The following SGIP1 variants were observed in gnomAD, a reference collection of about 807,000 sequenced individuals.
The protein encoded by SGIP1 is SH3GL interacting endocytic adaptor 1, also known as SH3-containing GRB2-like protein 3-interacting protein 1.
A neutral mutation model predicts 107.5 loss-of-function variants in SGIP1; 38 were observed. That is an observed-to-expected ratio of 0.35 (90% confidence interval 0.27 to 0.46). The LOEUF is 0.46. Ranked by LOEUF, SGIP1 falls within the 20% of genes least tolerant of loss-of-function variation. The probability of loss-of-function intolerance (pLI) is 1.00; values close to 1 mark genes in which losing one functional copy is unlikely to be tolerated. For missense variants in SGIP1, 929 were observed against 1,019.5 expected (o/e 0.91, Z 1.21); for synonymous variants, 365 against 366.1 (o/e 1.00, Z 0.03).
At chr1:66,742,771 T>C (rs2094499743) in intron 24 of SGIP1, among the ~76,000 whole-genome samples, 3 of 152,124 alleles carry the variant, frequency 2.0e-5, no homozygotes, top group South Asian at 2.1e-4. Context: ...GCCCGGCCTA[T>C]GAGCACCCTT....
chr1:66,640,553 G>A (rs569236879), intron 5 of SGIP1, among the ~76,000 whole-genome samples: 1 of 152,272 alleles, frequency 6.6e-6, no homozygotes, highest in East Asian at 1.9e-4. Context: ...TCCCTGAAAT[G>A]AGACAGTGCT....
At chr1:66,584,123 G>A (rs2062203527) in intron 1 of SGIP1, among the ~76,000 whole-genome samples, 1 of 151,800 alleles carries the variant, frequency 6.6e-6, no homozygotes, top group Non-Finnish European at 1.5e-5. Flanking sequence ...GAAATTGTTG[G>A]TTTGGTGTCT....
At chr1:66,740,566 TA>T in intron 22 of SGIP1, 91 bp from the exon 23 acceptor site, 2 of 777,768 alleles carry the variant, frequency 2.6e-6, no homozygotes, top group South Asian at 3.3e-5. Flanking sequence ...AGCTCTATTT[TA>T]AAAAATTAAT....
At chr1:66,605,190 T>C (rs191355250) in intron 1 of SGIP1, among the ~76,000 whole-genome samples, 83 of 152,298 alleles carry the variant, frequency 5.4e-4, no homozygotes, top group African/African-American at 1.9e-3. Context: ...CTTCTTCTTA[T>C]TTAGTGTTAT....
intron 1 of SGIP1, among the ~76,000 whole-genome samples, chr1:66,573,593 A>G (rs1305605355): frequency 6.6e-6 from 1 of 152,158 alleles, no homozygotes; most frequent in Non-Finnish European, 1.5e-5. Context: ...AAAGAAAGAG[A>G]TCATGTCCTT....
chr1:66,631,248 T>C (rs1291641086), intron 2 of SGIP1, among the ~76,000 whole-genome samples: 1 of 152,152 alleles, frequency 6.6e-6, no homozygotes, highest in East Asian at 1.9e-4. Context: ...CATTTCATTC[T>C]CTCTGAGATT....
In SGIP1 at chr1:66,643,656, T is replaced by G. The variant is rs557044121; in HGVS notation, c.396T>G (p.Asn132Lys). 1 of 1,612,252 alleles carries G rather than the reference T, an allele frequency of 6.2e-7. No homozygotes were observed. Among genetic ancestry groups the G allele is most frequent in the South Asian group, 1.1e-5 (1 of 90,516 alleles). The change falls in exon 7 of 25, where the codon AAT becomes AAG. Residue 132 changes from asparagine (N) to lysine (K), a missense_variant. Asn to Lys is a moderately conservative substitution (Grantham distance 94, BLOSUM62 0). Transcript: ENST00000371037. Reference sequence around the variant, plus strand: ...TGCAATCTAAAGACATTCTTAAGAATGCTGCAACTGTAGATGAATTGAAGG... The same window carrying G: ...TGCAATCTAAAGACATTCTTAAGAAGGCTGCAACTGTAGATGAATTGAAGG... Reference protein sequence around the residue: ...KPLQSKDILKNAATVDELKAS... With the variant: ...KPLQSKDILKKAATVDELKAS...
At chr1:66,560,368 T>A (rs1213237026) in intron 1 of SGIP1, among the ~76,000 whole-genome samples, 1 of 152,090 alleles carries the variant, frequency 6.6e-6, no homozygotes, top group Non-Finnish European at 1.5e-5. Flanking sequence ...TCCTTGTAGT[T>A]CATCCCTAAA....
intron 1 of SGIP1, among the ~76,000 whole-genome samples, chr1:66,594,401 C>A (rs138486423): frequency 6.6e-6 from 1 of 152,258 alleles, no homozygotes; most frequent in East Asian, 1.9e-4. Context: ...GTAGTTTTAT[C>A]ATCTGTGATG....
At chr1:66,583,622 C>T (rs1480598657) in intron 1 of SGIP1, among the ~76,000 whole-genome samples, 1 of 152,108 alleles carries the variant, frequency 6.6e-6, no homozygotes, top group Non-Finnish European at 1.5e-5. Context: ...CTTTTGCAGC[C>T]TCAGCTGTGC....
In SGIP1 at chr1:66,744,747, G is replaced by T. The variant is rs2094530737; in HGVS notation, c.*1652G>T. On this transcript the variant is annotated 3_prime_UTR_variant, in exon 25 of 25. Transcript: ENST00000371037. ...CCTCTATCAGTGCTTGCTACCAAGA[G>T]AATGTCCAAAATGATTTGTTTTACC... 1 of 152,378 alleles carries T rather than the reference G, an allele frequency of 6.6e-6. No individual in the cohort carries two copies. The highest frequency in any genetic ancestry group is 1.9e-4 in the East Asian group (1 of 5,190). The allele number at this position is 152,378 out of a possible 1,614,324, so 9.4% of individuals were successfully genotyped here. A position where few individuals can be genotyped will look rare whatever the true frequency, so the allele number is the denominator to read the frequency against.
chr1:66,536,503 T>C (rs2053640884), intron 1 of SGIP1, among the ~76,000 whole-genome samples: 1 of 152,230 alleles, frequency 6.6e-6, no homozygotes, highest in Non-Finnish European at 1.5e-5. Flanking sequence ...CAATATACAT[T>C]CATGTTTCTG....
At chr1:66,664,444 A>G (rs1193207630) in intron 8 of SGIP1, among the ~76,000 whole-genome samples, 2 of 152,192 alleles carry the variant, frequency 1.3e-5, no homozygotes, top group African/African-American at 2.4e-5. Flanking sequence ...GTTAATCACA[A>G]TGACTCTCTG....
intron 18 of SGIP1, among the ~76,000 whole-genome samples, chr1:66,713,705 C>T (rs1275711787): frequency 6.6e-6 from 1 of 152,006 alleles, no homozygotes; most frequent in East Asian, 1.9e-4. Flanking sequence ...CCCTCGGCAC[C>T]TAGCACAATG....
At position 66,729,268 on chromosome 1, in the gene SGIP1, A is replaced by G. The variant is rs1277997612; in HGVS notation, c.1747A>G (p.Ile583Val). 6.2e-7 allele frequency: 1 copy of G among 1,613,882 alleles called. No individual in the cohort carries two copies. The highest frequency in any genetic ancestry group is 8.5e-7 in the Non-Finnish European group (1 of 1,179,968). ...CTCTGTGTTTTGATATGCCAGATGT[A>G]TCGTTAAGATTACCGGAGAAATGGT... ...YFKGADPSKC[I>V]VKITGEMVLS... The change falls in exon 20 of 25, where the codon ATC becomes GTC. Residue 583 changes from isoleucine (I) to valine (V), a missense_variant. Ile to Val is a conservative substitution (Grantham distance 29, BLOSUM62 3). Around this residue, in one of 2 missense-constraint regions of SGIP1, gnomAD observed 341 missense variants for 430.9 expected, o/e 0.79. Coordinates refer to ENST00000371037, the MANE Select transcript of SGIP1 (RefSeq NM_032291.4).
chr1:66,735,284 C>T (rs944410943), intron 21 of SGIP1, among the ~76,000 whole-genome samples: 9 of 152,030 alleles, frequency 5.9e-5, no homozygotes, highest in African/African-American at 1.7e-4. Context: ...GGCACGATCT[C>T]GGCTAATAGC....
At chr1:66,670,789 T>G (rs756836632) in intron 9 of SGIP1, among the ~76,000 whole-genome samples, 4 of 152,250 alleles carry the variant, frequency 2.6e-5, no homozygotes, top group Non-Finnish European at 4.4e-5. Context: ...TTACCCTTTC[T>G]TCCTCTCTAT....
intron 1 of SGIP1, among the ~76,000 whole-genome samples, chr1:66,549,690 C>G (rs1452773753): frequency 6.6e-6 from 1 of 152,158 alleles, no homozygotes; most frequent in Non-Finnish European, 1.5e-5. Flanking sequence ...GAACTTGCTA[C>G]AAGATGATAC....
intron 1 of SGIP1, among the ~76,000 whole-genome samples, chr1:66,541,726 A>G (rs1466996767): frequency 1.3e-5 from 2 of 152,208 alleles, no homozygotes; most frequent in Non-Finnish European, 2.9e-5. Context: ...TCTTTAACAA[A>G]CAATTTAAGG....
Sources: gnomAD v4.1 joint callset for allele counts (sites outside exome capture counted in the v4.1 genomes callset) on GRCh38, gnomAD v4.1.1 for gene constraint, gnomAD v4.1.1 regional missense constraint, MANE v1.5 for transcripts, NCBI Gene and HGNC (gene_info 2026-07-23, HGNC 2026-07-21) for gene names.